Variants in SLC35D1 observed in about 807,000 individuals in gnomAD.
SLC35D1 encodes the protein nucleotide sugar transporter SLC35D1.
In SLC35D1, 31 loss-of-function variants were observed where a neutral mutation model predicts 46.7. That is an observed-to-expected ratio of 0.66 (90% CI 0.50 to 0.90). The LOEUF (loss-of-function observed/expected upper bound fraction) is 0.90. Among genes scored for constraint, SLC35D1 ranks in the 40% least tolerant of loss-of-function variants. The pLI is 0.00. For synonymous variants in SLC35D1, 195 were observed against 164.6 expected, an observed-to-expected ratio of 1.18 and a Z score of -1.41; for missense variants, 397 against 426.2, an observed-to-expected ratio of 0.93 and a Z score of 0.60.
intron 6 of SLC35D1, 70 bp downstream of exon 6, chr1:67,049,712 G>A (rs559471304): frequency 6.6e-6 from 9 of 1,353,876 alleles, no homozygotes; most frequent in Non-Finnish European, 9.4e-6. Context: ...AATTGTTATT[G>A]ATAAGCAATC....
chr1:67,005,418 A>G (rs1013055491), intron 11 of SLC35D1, among the ~76,000 whole-genome samples: 3 of 152,202 alleles, frequency 2.0e-5, no homozygotes, highest in Admixed American at 1.3e-4. Context: ...CTAGGAAGAA[A>G]GCAGGATCAG....
At chr1:67,015,407 T>C (rs1056351707) in intron 10 of SLC35D1, among the ~76,000 whole-genome samples, 4 of 152,132 alleles carry the variant, frequency 2.6e-5, no homozygotes, top group African/African-American at 9.7e-5. Flanking sequence ...TGTTTTTTTT[T>C]GAGTCAGGAT....
At chr1:67,053,669 C>G (rs1377539864) in intron 1 of SLC35D1, 142 bp downstream of exon 1, 1 of 775,070 alleles carries the variant, frequency 1.3e-6, no homozygotes, top group Admixed American at 4.6e-5. Context: ...GGGCCGCGCG[C>G]GTCAGCCGCC....
At chr1:67,028,074 A>AT (rs914686162) in intron 8 of SLC35D1, among the ~76,000 whole-genome samples, 2 of 141,462 alleles carry the variant, frequency 1.4e-5, no homozygotes, top group African/African-American at 6.1e-5. Context: ...ATATTTTCTG[A>AT]TTTTCTTTGT....
intron 10 of SLC35D1, 117 bp from the exon 11 acceptor site, chr1:67,009,284 A>ACTT: frequency 2.3e-6 from 1 of 433,550 alleles, no homozygotes. Flanking sequence ...CAAAAGACAA[A>ACTT]CAATGAAAAC....
At chr1:67,016,760 T>C (rs1410495382) in intron 10 of SLC35D1, among the ~76,000 whole-genome samples, 1 of 152,184 alleles carries the variant, frequency 6.6e-6, no homozygotes, top group Non-Finnish European at 1.5e-5. Context: ...ATAAGTTCAA[T>C]ACACATCTGT....
At chr1:67,012,158 C>A (rs1667578849) in intron 10 of SLC35D1, among the ~76,000 whole-genome samples, 1 of 152,138 alleles carries the variant, frequency 6.6e-6, no homozygotes, top group South Asian at 2.1e-4. Flanking sequence ...GTCATAAAGT[C>A]TCATCTACAA....
chr1:67,015,705 C>T, intron 10 of SLC35D1, among the ~76,000 whole-genome samples: 2 of 152,054 alleles, frequency 1.3e-5, no homozygotes, highest in East Asian at 3.9e-4. Context: ...CTCTTTCAAA[C>T]AAAATTTTTA....
At chr1:66,987,111 A>T in the SLC35D1 span, 5 of 152,696 alleles carry the variant, frequency 3.3e-5, no homozygotes, top group African/African-American at 1.2e-4. Context: ...GTTAATCTTT[A>T]AAAAATACAC....
In SLC35D1 at chr1:67,020,353, G is replaced by C. The variant is rs1558154510; in HGVS notation, c.876+16C>G. 1.3e-6 allele frequency: 2 copies of C among 1,520,702 alleles called. No homozygotes were observed. The highest frequency in any genetic ancestry group is 2.7e-5 in the African/African-American group (2 of 73,088). 94.2% of individuals were successfully genotyped at this position (1,520,702 alleles called of 1,614,324 possible). ...ATAATGCAGGTACCAAAAGCTAACA[G>C]TATTTTTCTACTTACCTTAATACAG... is the stretch of plus-strand genomic sequence containing the variant. On this transcript the variant is annotated intron_variant, in intron 10 of 11. Coordinates refer to ENST00000235345, the MANE Select transcript of SLC35D1 (RefSeq NM_015139.3).
chr1:67,050,411 A>T, intron 5 of SLC35D1, 22 bp downstream of exon 5: 1 of 1,561,558 alleles, frequency 6.4e-7, no homozygotes, highest in South Asian at 1.1e-5. Flanking sequence ...TAAAGAACAG[A>T]TATATTAGAA....
chr1:67,040,275 G>A (rs1668215044), intron 8 of SLC35D1, among the ~76,000 whole-genome samples: 1 of 152,202 alleles, frequency 6.6e-6, no homozygotes, highest in Non-Finnish European at 1.5e-5. Context: ...TTATAGGCGG[G>A]AGCCACTGCA....
At chr1:66,988,812 C>T in the SLC35D1 span, among the ~76,000 whole-genome samples, 3 of 152,172 alleles carry the variant, frequency 2.0e-5, no homozygotes, top group African/African-American at 7.2e-5. Context: ...GCAAATATTT[C>T]GGCCTATACT....
chr1:67,012,026 G>T (rs1317523820), intron 10 of SLC35D1, among the ~76,000 whole-genome samples: 1 of 152,180 alleles, frequency 6.6e-6, no homozygotes, highest in African/African-American at 2.4e-5. Flanking sequence ...TCAAGTGGAA[G>T]CACTCTCTCT....
chr1:67,024,189 G>T (rs1046574294), intron 8 of SLC35D1, among the ~76,000 whole-genome samples: 1 of 151,718 alleles, frequency 6.6e-6, no homozygotes, highest in African/African-American at 2.4e-5. Context: ...CAAGTGATCC[G>T]CCCGCCTCAG....
At chr1:66,992,448 A>G in the SLC35D1 span, among the ~76,000 whole-genome samples, 1 of 152,256 alleles carries the variant, frequency 6.6e-6, no homozygotes, top group Admixed American at 6.5e-5. Context: ...AGGCTGCCAA[A>G]GCCCAGATGC....
At chr1:67,035,812 T>TC (rs924486009) in intron 8 of SLC35D1, among the ~76,000 whole-genome samples, 1 of 150,800 alleles carries the variant, frequency 6.6e-6, no homozygotes, top group African/African-American at 2.4e-5. Context: ...TTTCTTTTTT[T>TC]TTTTTTTTTG....
At chr1:67,021,899 T>C (rs539877909) in intron 8 of SLC35D1, among the ~76,000 whole-genome samples, 34 of 152,328 alleles carry the variant, frequency 2.2e-4, no homozygotes, top group African/African-American at 8.2e-4. Context: ...CTTCTCACTA[T>C]TGGTGCAAAG....
chr1:66,985,599 T>C, the SLC35D1 span: 2 of 985,176 alleles, frequency 2.0e-6, no homozygotes, highest in South Asian at 4.7e-5. Flanking sequence ...ACAGTACATA[T>C]GTCTTGACTG....
Sources: gnomAD v4.1 joint callset for allele counts (sites outside exome capture counted in the v4.1 genomes callset) on GRCh38, gnomAD v4.1.1 for gene constraint, MANE v1.5 for transcripts, NCBI Gene and HGNC (gene_info 2026-07-23, HGNC 2026-07-21) for gene names.